ARSF: variants seen among roughly 807,000 people sequenced by gnomAD.
ARSF encodes arylsulfatase F.
In ARSF, 33 loss-of-function variants were observed where a neutral mutation model predicts 35.4. That is an observed-to-expected ratio of 0.93 (90% CI 0.71 to 1.25). ARSF has a LOEUF of 1.25. Ranked by LOEUF, ARSF falls within the 50% of genes most tolerant of loss-of-function variation. ARSF has a pLI of 0.00. For missense variants in ARSF, 501 were observed against 480.2 expected, an observed-to-expected ratio of 1.04 and a Z score of -0.40; for synonymous variants, 222 against 193.1, an observed-to-expected ratio of 1.15 and a Z score of -1.24.
chrX:3,086,156 C>CAG (rs1248117135), intron 6 of ARSF, among the ~76,000 whole-genome samples: 4 of 111,943 alleles, frequency 3.6e-5, no homozygotes, highest in Non-Finnish European at 7.5e-5. Context: ...TGAATTTTTA[C>CAG]AGACAGAGCA....
At position 3,068,105 on chromosome X, in the gene ARSF, G is replaced by A; in HGVS notation, c.5G>A (p.Arg2Lys). The A allele has an allele frequency of 8.3e-7, 1 of 1,202,843 alleles. No individual in the cohort carries two copies. Among genetic ancestry groups the A allele is most frequent in the Non-Finnish European group, 1.1e-6 (1 of 891,080 alleles). The change falls in exon 2 of 11, where the codon AGG becomes AAG. Residue 2 changes from arginine to lysine, a missense_variant. Transcript: ENST00000381127. M[R>K]PRRPLVFMSL... ...GAAGGTATTCCAAGCTGCACAATGA[G>A]GCCCAGGTAGGTAAAGCCATATACT...
intron 1 of ARSF, among the ~76,000 whole-genome samples, chrX:3,064,028 G>A (rs1368390542): frequency 9.0e-6 from 1 of 111,629 alleles, no homozygotes; most frequent in South Asian, 3.7e-4. Flanking sequence ...AAAGCCGGAG[G>A]CACCATGCTA....
chrX:3,103,874 T>C lies in ARSF; in HGVS notation c.1215T>C (p.Asp405=). The change falls in exon 9 of 11, where the codon GAT becomes GAC. Residue 405 remains aspartate, a synonymous_variant. Coordinates refer to ENST00000381127, the MANE Select transcript of ARSF (RefSeq NM_001201539.2). Reference sequence around the variant, plus strand: ...TTAAGGAACCTACAAGTTTAATGGATATTTTACCAACTGTCGCATCAGTGT... The same window carrying C: ...TTAAGGAACCTACAAGTTTAATGGACATTTTACCAACTGTCGCATCAGTGT... ...RLIKEPTSLM[D]ILPTVASVSG... is the part of the protein sequence containing the mutation. 8.3e-7 allele frequency: 1 copy of C among 1,211,578 alleles called. No homozygotes were observed. The highest frequency in any genetic ancestry group is 1.1e-6 in the Non-Finnish European group (1 of 895,423).
At chrX:3,047,717 A>G (rs2089981155) in intron 1 of ARSF, among the ~76,000 whole-genome samples, 1 of 110,400 alleles carries the variant, frequency 9.1e-6, no homozygotes, top group African/African-American at 3.3e-5. Flanking sequence ...AGCACCCTAG[A>G]TAAAGCAGCT....
intron 1 of ARSF, among the ~76,000 whole-genome samples, chrX:3,056,797 C>T (rs1027351515): frequency 9.0e-6 from 1 of 111,418 alleles, no homozygotes; most frequent in East Asian, 2.8e-4. Context: ...AGAACATTGA[C>T]CTTTTTCTAT....
chrX:3,068,020 CT>C (rs756715933), intron 1 of ARSF, 52 bp from the exon 2 acceptor site: 126,184 of 627,518 alleles, frequency 0.2, 20 homozygotes, highest in East Asian at 0.25. Flanking sequence ...ATGAATGATA[CT>C]TTTTTTTTTT....
chrX:3,049,431 A>C (rs1020476485), intron 1 of ARSF, among the ~76,000 whole-genome samples: 25 of 111,995 alleles, frequency 2.2e-4, no homozygotes, highest in Non-Finnish European at 4.7e-4. Context: ...GGAATCTATC[A>C]GATATGCATT....
chrX:3,052,690 C>CAAA (rs60919775), intron 1 of ARSF, among the ~76,000 whole-genome samples: 8 of 73,683 alleles, frequency 1.1e-4, no homozygotes, highest in African/African-American at 3.5e-4. Flanking sequence ...GACCCTGTCT[C>CAAA]AAAAAAAAAA....
intron 1 of ARSF, among the ~76,000 whole-genome samples, chrX:3,054,063 AC>A (rs199785810): frequency 0.018 from 2,006 of 110,997 alleles, 31 homozygotes; most frequent in Middle Eastern, 0.042. Context: ...CACCCAGCCT[AC>A]CTACTGGACT....
rs778292060 is a variant in ARSF, at chrX:3,069,740, TTC to T, written c.11+1631_11+1632del. Among the ~76,000 whole-genome samples, 54 of 111,495 alleles carry T rather than the reference TTC, an allele frequency of 4.8e-4. No homozygotes were observed. In the Admixed American group the frequency reaches 5.2e-3, roughly 11 times the overall value. ...CTTTTTATTTTTTTCCTTTTTAAAT[TTC>T]TTTTTCTTTTTTTATTGTCCCTTGA... On this transcript the variant is annotated intron_variant, in intron 2 of 10. Coordinates refer to ENST00000381127, the MANE Select transcript of ARSF (RefSeq NM_001201539.2).
At position 3,084,648 on chromosome X, in the gene ARSF, C is replaced by T. The variant is rs772387265; in HGVS notation, c.812C>T (p.Ala271Val). Residue 271 changes from alanine (A) to valine (V), a missense_variant, in exon 6 of 11, where the codon GCG (alanine) becomes GTG (valine). Ala to Val is a moderately conservative substitution (Grantham distance 64). Coordinates refer to ENST00000381127, the MANE Select transcript of ARSF (RefSeq NM_001201539.2). ...GCTGGATCCATTATGGTGAAGGAAG[C>T]GATTTCCTTTTTAGAAAGGTAAGCG... ...ERAGSIMVKE[A>V]ISFLERHSKE... The T allele has an allele frequency of 5.2e-6, 6 of 1,161,465 alleles. No individual in the cohort carries two copies. The highest frequency in any genetic ancestry group is 1.8e-5 in the African/African-American group (1 of 54,678).
chrX:3,077,327 CT>C (rs1383772818), intron 4 of ARSF, among the ~76,000 whole-genome samples: 1 of 110,986 alleles, frequency 9.0e-6, no homozygotes, highest in East Asian at 2.8e-4. Context: ...CAAAAAATAT[CT>C]TTTTTTTTCT....
In ARSF at chrX:3,076,635, C is replaced by T. The variant is rs189174750; in HGVS notation, c.249C>T (p.Ser83=). 267 of 1,209,907 alleles carry T rather than the reference C, an allele frequency of 2.2e-4. No individual in the cohort carries two copies. The highest frequency in any genetic ancestry group is 8.1e-4 in the Admixed American group (37 of 45,680). ...SAASLCSPSR[S]AFLTGRYPIR... ...CCTCCCTCTGCAGCCCAAGCCGGTC[C>T]GCGTTCTTGACGGGAAGATACCCCA... Residue 83 remains serine (S), a synonymous_variant, in exon 4 of 11, where the codon TCC becomes TCT. Coordinates refer to ENST00000381127, the MANE Select transcript of ARSF (RefSeq NM_001201539.2).
At chrX:3,078,663 C>T (rs776949472) in intron 4 of ARSF, among the ~76,000 whole-genome samples, 1 of 110,819 alleles carries the variant, frequency 9.0e-6, no homozygotes, top group African/African-American at 3.3e-5. Flanking sequence ...CCATGCCCAG[C>T]TAATTTTTGT....
At chrX:3,050,871 AC>A (rs2089994634) in intron 1 of ARSF, among the ~76,000 whole-genome samples, 1 of 110,655 alleles carries the variant, frequency 9.0e-6, no homozygotes, top group South Asian at 3.9e-4. Context: ...GTTAAACTCC[AC>A]CGTTTTGCTT....
Position 3,084,392 on chromosome X carries a change from G to A in ARSF, c.556G>A (p.Glu186Lys). 8.3e-7 allele frequency: 1 copy of A among 1,211,832 alleles called. No individual in the cohort carries two copies. Among genetic ancestry groups the A allele is most frequent in the Non-Finnish European group, 1.1e-6 (1 of 895,594 alleles). The part of the protein sequence containing the change: ...DPSRNTELAF[E>K]SQLWLCVQLV... Reference sequence around the variant, plus strand: ...CTCTCGTAACACGGAATTAGCCTTTGAGAGTCAGCTCTGGCTCTGTGTGCA... The same window carrying A: ...CTCTCGTAACACGGAATTAGCCTTTAAGAGTCAGCTCTGGCTCTGTGTGCA... The change falls in exon 6 of 11, where the codon GAG (glutamate) becomes AAG (lysine). Residue 186 changes from glutamate (E) to lysine (K), a missense_variant. Physicochemically the swap from Glu to Lys is moderately conservative, Grantham distance 56. Transcript: ENST00000381127.
intron 3 of ARSF, among the ~76,000 whole-genome samples, chrX:3,075,664 A>C (rs1242828880): frequency 4.5e-5 from 4 of 89,155 alleles, no homozygotes; most frequent in African/African-American, 1.3e-4. Flanking sequence ...TTCTGTTTCC[A>C]TCTGTCTCTC....
Position 3,080,906 on chromosome X carries a change from G to A in ARSF, c.299G>A (p.Gly100Asp). ...CTACATCTAGGTATGGTTTCTAGTG[G>A]TAATAGACGTGTCATCCAAAATCTT... ...YPIRSGMVSS[G>D]NRRVIQNLAV... Residue 100 changes from glycine to aspartate, a missense_variant, in exon 5 of 11, where the codon GGT (glycine) becomes GAT (aspartate). Transcript: ENST00000381127. 1 of 1,211,339 alleles carries A rather than the reference G, an allele frequency of 8.3e-7. No homozygotes were observed. The highest frequency in any genetic ancestry group is 1.8e-5 in the South Asian group (1 of 56,917).
At position 3,101,215 on chromosome X, in the gene ARSF, T is replaced by C; in HGVS notation, c.1096T>C (p.Tyr366His). 1 of 1,209,960 alleles carries C rather than the reference T, an allele frequency of 8.3e-7. No homozygotes were observed. Among genetic ancestry groups the C allele is most frequent in the Non-Finnish European group, 1.1e-6 (1 of 894,758 alleles). ...CCAACTTGGTGGATGGAATGGAATA[T>C]ACAAAGGTGAGGAGAGGAACTCATG... ...HAQLGGWNGIYKGGKGMGGWE... is the reference protein window; with the variant it reads ...HAQLGGWNGIHKGGKGMGGWE... Residue 366 changes from tyrosine to histidine, a missense_variant, in exon 8 of 11, where the codon TAC (tyrosine) becomes CAC (histidine). Transcript: ENST00000381127.
Sources: gnomAD v4.1 joint callset for allele counts (sites outside exome capture counted in the v4.1 genomes callset) on GRCh38, gnomAD v4.1.1 for gene constraint, MANE v1.5 for transcripts, NCBI Gene and HGNC (gene_info 2026-07-23, HGNC 2026-07-21) for gene names.